CAMTA1: variants seen among roughly 807,000 people sequenced by gnomAD.
CAMTA1 encodes calmodulin binding transcription activator 1, also known as calmodulin-binding transcription activator 1.
Under a neutral mutation model 170.9 loss-of-function variants are expected in CAMTA1, and 27 were observed. The observed-to-expected ratio is 0.16, with a 90% CI of 0.12 to 0.22. CAMTA1 has a LOEUF of 0.22. Ranked by LOEUF, CAMTA1 falls within the 10% of genes least tolerant of loss-of-function variation. CAMTA1 has a pLI of 1.00. For missense variants in CAMTA1, 1,619 were observed against 2,217.2 expected (o/e 0.73, Z 5.42); for synonymous variants, 833 against 891.5 (o/e 0.93, Z 1.17).
chr1:7,545,712 A>ATG (rs1453631718), intron 6 of CAMTA1, among the ~76,000 whole-genome samples: 1 of 151,676 alleles, frequency 6.6e-6, no homozygotes, highest in African/African-American at 2.4e-5. Context: ...ACATGTTAGG[A>ATG]TGTACCCTGG....
At chr1:7,719,468 C>T (rs2096635429) in intron 11 of CAMTA1, among the ~76,000 whole-genome samples, 1 of 152,120 alleles carries the variant, frequency 6.6e-6, no homozygotes, top group African/African-American at 2.4e-5. Flanking sequence ...AAACAAAGAT[C>T]AGGAAGAAGA....
intron 6 of CAMTA1, among the ~76,000 whole-genome samples, chr1:7,558,797 A>T (rs1213977833): frequency 1.3e-5 from 2 of 152,250 alleles, no homozygotes; most frequent in Non-Finnish European, 2.9e-5. Flanking sequence ...TTAAAGAAGG[A>T]TTTCAGCAGC....
chr1:7,200,169 G>T (rs1382740161), intron 4 of CAMTA1, among the ~76,000 whole-genome samples: 2 of 152,112 alleles, frequency 1.3e-5, no homozygotes, highest in Admixed American at 6.5e-5. Context: ...GTGTATGTGG[G>T]TGTGTGTATA....
chr1:6,831,576 A>G (rs528806500), intron 3 of CAMTA1, among the ~76,000 whole-genome samples: 2 of 152,378 alleles, frequency 1.3e-5, no homozygotes, highest in Non-Finnish European at 2.9e-5. Context: ...GCATTCTTCC[A>G]AAGCCAAACT....
chr1:7,270,234 CATATAT>C (rs200909775), intron 5 of CAMTA1, among the ~76,000 whole-genome samples: 1,538 of 80,652 alleles, frequency 0.019, 18 homozygotes, highest in Admixed American at 0.079. Flanking sequence ...TATATATACA[CATATAT>C]ACATACACAC....
intron 4 of CAMTA1, among the ~76,000 whole-genome samples, chr1:7,101,444 AT>A (rs1447267679): frequency 6.6e-6 from 1 of 152,076 alleles, no homozygotes; most frequent in Non-Finnish European, 1.5e-5. Flanking sequence ...TGGGCTGGAG[AT>A]TCTCCCCCTG....
intron 3 of CAMTA1, among the ~76,000 whole-genome samples, chr1:7,004,960 C>T (rs898689324): frequency 3.0e-4 from 46 of 152,056 alleles, no homozygotes; most frequent in Non-Finnish European, 5.9e-4. Flanking sequence ...TTAGTAGAGA[C>T]GGGGTTTCAC....
At chr1:6,975,764 C>T (rs1034812867) in intron 3 of CAMTA1, among the ~76,000 whole-genome samples, 8 of 152,116 alleles carry the variant, frequency 5.3e-5, no homozygotes, top group African/African-American at 1.2e-4. Flanking sequence ...ACATTTTAAT[C>T]GCCCCAAAAG....
At chr1:6,947,995 A>G (rs1012375640) in intron 3 of CAMTA1, among the ~76,000 whole-genome samples, 1 of 152,188 alleles carries the variant, frequency 6.6e-6, no homozygotes, top group African/African-American at 2.4e-5. Flanking sequence ...TTTCCTTTCC[A>G]ATATGGATAC....
chr1:7,172,468 C>T (rs1649843012), intron 4 of CAMTA1, among the ~76,000 whole-genome samples: 1 of 152,138 alleles, frequency 6.6e-6, no homozygotes, highest in Admixed American at 6.5e-5. Context: ...CTTCTTAATC[C>T]AGGAGAGCTT....
At chr1:6,902,948 A>G (rs1677457091) in intron 3 of CAMTA1, among the ~76,000 whole-genome samples, 1 of 152,224 alleles carries the variant, frequency 6.6e-6, no homozygotes, top group Non-Finnish European at 1.5e-5. Context: ...CCATGATCCA[A>G]CAGTTCCACT....
At chr1:7,731,740 GGT>G (rs2096735230) in intron 11 of CAMTA1, among the ~76,000 whole-genome samples, 1 of 152,140 alleles carries the variant, frequency 6.6e-6, no homozygotes, top group Non-Finnish European at 1.5e-5. Flanking sequence ...AGCTGGGCAT[GGT>G]GGTGCACACC....
rs181009920 is a variant in CAMTA1 at position 7,168,465 on chromosome 1, C to T, written c.302+77094C>T. 8.9e-4 allele frequency among the ~76,000 whole-genome samples: 136 copies of T among 152,294 alleles called. 1 individual carries two copies. The highest frequency in any genetic ancestry group is 3.0e-3 in the African/African-American group (123 of 41,564). Reference sequence around the variant, plus strand: ...TTGCCCAGGCTGGAGTGCAATGGCACGATCTCGGCTCGCTGCAACCTCTGC... The same window carrying T: ...TTGCCCAGGCTGGAGTGCAATGGCATGATCTCGGCTCGCTGCAACCTCTGC... On this transcript the variant is annotated intron_variant, in intron 4 of 22. Transcript: ENST00000303635.
At chr1:7,714,258 A>G (rs544832878) in intron 11 of CAMTA1, among the ~76,000 whole-genome samples, 1 of 152,340 alleles carries the variant, frequency 6.6e-6, no homozygotes, top group East Asian at 1.9e-4. Context: ...AATGAACTAT[A>G]GAAAGCTTTT....
rs1310789311 is a variant in CAMTA1, at chr1:7,665,640, A to C, written c.2652+441A>C. On this transcript the variant is annotated intron_variant, in intron 9 of 22. Transcript: ENST00000303635. The surrounding 1 kb of genome is among the most constrained non-coding windows in gnomAD (Gnocchi z 4.3). ...TGAGTCCGGAGGAGCACTTGAGCCC[A>C]AGAGGTTGAGGCTGCAGTGAGCTGT... Among the ~76,000 whole-genome samples the C allele has an allele frequency of 6.6e-6, 1 of 152,094 alleles. No homozygotes were observed. Among genetic ancestry groups the C allele is most frequent in the South Asian group, 2.1e-4 (1 of 4,822 alleles).
intron 3 of CAMTA1, among the ~76,000 whole-genome samples, chr1:7,071,186 G>A (rs1638599227): frequency 6.6e-6 from 1 of 152,206 alleles, no homozygotes; most frequent in Non-Finnish European, 1.5e-5. Context: ...GATTGGGGAG[G>A]ATTTGGACGT....
chr1:7,310,750 TA>T (rs1676600940), intron 5 of CAMTA1, among the ~76,000 whole-genome samples: 1 of 141,258 alleles, frequency 7.1e-6, no homozygotes, highest in Non-Finnish European at 1.5e-5. Flanking sequence ...TTCTTTTTTT[TA>T]AGACAGTCTT....
chr1:7,541,402 G>A (rs74946509), intron 6 of CAMTA1, among the ~76,000 whole-genome samples: 2,313 of 152,306 alleles, frequency 0.015, 60 homozygotes, highest in African/African-American at 0.053. Flanking sequence ...TGAGTTAGAG[G>A]TTGGGAGAAG....
intron 3 of CAMTA1, among the ~76,000 whole-genome samples, chr1:6,856,528 T>TG (rs1242623511): frequency 2.0e-5 from 3 of 152,046 alleles, no homozygotes; most frequent in African/African-American, 4.8e-5. Flanking sequence ...TTCTAGTCAC[T>TG]GGGGGGATAG....
Sources: allele counts gnomAD v4.1 joint callset (sites outside exome capture counted in the v4.1 genomes callset), GRCh38; gene constraint gnomAD v4.1.1; non-coding constraint Gnocchi (gnomAD v3.1); transcripts MANE v1.5; gene names NCBI Gene and HGNC (gene_info 2026-07-23, HGNC 2026-07-21).